Variants in DHRS9 observed in about 807,000 individuals in gnomAD.
DHRS9 encodes dehydrogenase/reductase 9.
A neutral mutation model predicts 26.6 loss-of-function variants in DHRS9; 18 were observed. That is an observed-to-expected ratio of 0.68 (90% CI 0.47 to 1.00). DHRS9 has a LOEUF of 1.00. Among genes scored for constraint, DHRS9 ranks in the 50% least tolerant of loss-of-function variants. DHRS9 has a pLI of 0.00. For synonymous variants in DHRS9, 134 were observed against 141.1 expected (o/e 0.95, Z 0.36); for missense variants, 425 against 378.7 (o/e 1.12, Z -1.01).
chr2:169,081,388 C>T (rs1278727960), intron 1 of DHRS9, 135 bp from the exon 2 acceptor site: 7 of 1,189,200 alleles, frequency 5.9e-6, no homozygotes, highest in Non-Finnish European at 6.6e-6. Flanking sequence ...AACAAACAAC[C>T]AAATAAGAGT....
intron 1 of DHRS9, among the ~76,000 whole-genome samples, chr2:169,079,922 A>AGG (rs1684105912): frequency 2.5e-4 from 1 of 4,066 alleles, no homozygotes; most frequent in Admixed American, 2.6e-3. Context: ...AGGGAGGGGG[A>AGG]GAGAGAGAGA....
At chr2:169,079,977 GAGAGAGAGAA>G (rs1394225095) in intron 1 of DHRS9, among the ~76,000 whole-genome samples, 5 of 109,594 alleles carry the variant, frequency 4.6e-5, no homozygotes, top group Admixed American at 1.0e-4. Context: ...GAGAGAGAGA[GAGAGAGAGAA>G]AGAAAGAAAG....
At chr2:169,088,587 C>T (rs1349381087) in intron 3 of DHRS9, among the ~76,000 whole-genome samples, 1 of 152,186 alleles carries the variant, frequency 6.6e-6, no homozygotes. Flanking sequence ...CCTGCTCCAC[C>T]TCTACCCTAT....
At chr2:169,094,392 T>C (rs776141040) in intron 4 of DHRS9, among the ~76,000 whole-genome samples, 1 of 152,184 alleles carries the variant, frequency 6.6e-6, no homozygotes, top group South Asian at 2.1e-4. Context: ...CTCTTTCAAC[T>C]GTTTCCTTTG....
upstream of DHRS9, chr2:169,069,306 T>G (rs1683733013): frequency 1.7e-6 from 1 of 574,134 alleles, no homozygotes; most frequent in Admixed American, 6.3e-5. Flanking sequence ...TACAAAATAT[T>G]TATTTCTTTG....
At position 169,081,817 on chromosome 2, in the gene DHRS9, C is replaced by T. The variant is rs772335251; in HGVS notation, c.236C>T (p.Thr79Ile). 39 of 1,613,990 alleles carry T rather than the reference C, an allele frequency of 2.4e-5. 2 individuals are homozygous for T. In the South Asian group the frequency reaches 4.2e-4, roughly 17 times the overall value. The change falls in exon 2 of 5, where the codon ACT (threonine) becomes ATT (isoleucine). Residue 79 changes from threonine to isoleucine, a missense_variant. Coordinates refer to ENST00000674881, the MANE Select transcript of DHRS9 (RefSeq NM_001376924.1). ...GCAGAAACCTCAGAGAGACTTCGTA[C>T]TGTGCTTCTGGATGTGACCGACCCA... The part of the protein sequence containing the change: ...LKAETSERLR[T>I]VLLDVTDPEN...
At chr2:169,072,656 A>G (rs1683843004) in intron 1 of DHRS9, 1 of 985,316 alleles carries the variant, frequency 1.0e-6, no homozygotes, top group African/African-American at 1.7e-5. Context: ...TTGGCTGCTG[A>G]CAGGCAGTTA....
At chr2:169,069,101 T>C (rs1012835699), upstream of DHRS9, among the ~76,000 whole-genome samples, 1 of 152,168 alleles carries the variant, frequency 6.6e-6, no homozygotes, top group Non-Finnish European at 1.5e-5. Context: ...CATTTTATTA[T>C]GTTGTTTTTA....
chr2:169,084,373 ATCATATGGTAGCTCAATTTT>A (rs1558953651), intron 3 of DHRS9, among the ~76,000 whole-genome samples: 1 of 152,190 alleles, frequency 6.6e-6, no homozygotes, highest in Non-Finnish European at 1.5e-5. Flanking sequence ...GTATTGCTGG[ATCATATGGTAGCTCAATTTT>A]TAGTTTTTTG....
intron 1 of DHRS9, chr2:169,074,503 G>A (rs765197543): frequency 2.5e-5 from 24 of 962,112 alleles, no homozygotes; most frequent in Non-Finnish European, 2.8e-5. Context: ...TGGGACCAAG[G>A]GGCCGTGCAG....
intron 1 of DHRS9, among the ~76,000 whole-genome samples, chr2:169,075,285 G>C (rs1437446647): frequency 6.6e-6 from 1 of 152,114 alleles, no homozygotes; most frequent in Non-Finnish European, 1.5e-5. Context: ...GGACAACCCA[G>C]ATTCCTCAAA....
At position 169,083,621 on chromosome 2, in the gene DHRS9, T is replaced by C. The variant is rs768197727; in HGVS notation, c.572+34T>C. ...AATTAATCAACTTATTAGGAAACAA[T>C]AGCTGCAAACGTTTACTGAATGCTT... On this transcript the variant is annotated intron_variant, in intron 3 of 4. Coordinates refer to ENST00000674881, the MANE Select transcript of DHRS9 (RefSeq NM_001376924.1). The C allele has an allele frequency of 9.3e-6, 15 of 1,606,058 alleles. 1 individual carries two copies. In the Middle Eastern group the frequency reaches 6.6e-4, roughly 71 times the overall value.
At chr2:169,082,253 A>G (rs1684214671) in intron 2 of DHRS9, among the ~76,000 whole-genome samples, 1 of 152,222 alleles carries the variant, frequency 6.6e-6, no homozygotes, top group Admixed American at 6.5e-5. Context: ...GGCAATTCCC[A>G]AATTGCCATC....
rs576235331 is a variant in DHRS9, at chr2:169,070,785, C to T, written c.-60+1068C>T. On this transcript the variant is annotated intron_variant, in intron 1 of 4. Transcript: ENST00000674881. ...ACAGTGTTTAAAAACGCATACCTGG[C>T]CGGGCGCGGTGGCTCATGCCTGTAA... 4.0e-5 allele frequency: 39 copies of T among 985,132 alleles called. No homozygotes were observed. The African/African-American group carries it at 6.1e-4, about 15-fold the overall frequency. 61.0% of individuals were successfully genotyped at this position (985,132 alleles called of 1,614,324 possible).
intron 4 of DHRS9, among the ~76,000 whole-genome samples, chr2:169,093,824 G>T (rs1313505635): frequency 1.3e-5 from 2 of 152,204 alleles, no homozygotes; most frequent in African/African-American, 2.4e-5. Flanking sequence ...AGCTGGGATA[G>T]TAGGAGTTTA....
At chr2:169,083,002 C>T (rs1422634361) in intron 2 of DHRS9, among the ~76,000 whole-genome samples, 1 of 152,090 alleles carries the variant, frequency 6.6e-6, no homozygotes, top group Non-Finnish European at 1.5e-5. Flanking sequence ...GCATGTTGTG[C>T]ACATGTACCC....
At chr2:169,090,212 G>C (rs1055892533) in intron 3 of DHRS9, among the ~76,000 whole-genome samples, 5 of 152,200 alleles carry the variant, frequency 3.3e-5, no homozygotes, top group Admixed American at 2.6e-4. Flanking sequence ...ATTTGAGAGA[G>C]GGTTGGGGCT....
chr2:169,077,613 A>G (rs927415647), intron 1 of DHRS9, among the ~76,000 whole-genome samples: 1 of 152,054 alleles, frequency 6.6e-6, no homozygotes, highest in Non-Finnish European at 1.5e-5. Context: ...TCAGGAAAAA[A>G]AAAAAGATGG....
chr2:169,090,627 A>G (rs112034785), intron 3 of DHRS9, among the ~76,000 whole-genome samples: 90 of 152,304 alleles, frequency 5.9e-4, no homozygotes, highest in African/African-American at 2.0e-3. Flanking sequence ...TATGGTGAAG[A>G]GTTTTATAAA....
Sources: allele counts gnomAD v4.1 joint callset (sites outside exome capture counted in the v4.1 genomes callset), GRCh38; gene constraint gnomAD v4.1.1; transcripts MANE v1.5; gene names NCBI Gene and HGNC (gene_info 2026-07-23, HGNC 2026-07-21).